Variants in LAMC3 observed in about 807,000 individuals in gnomAD.
LAMC3 encodes laminin subunit gamma 3.
In LAMC3, 128 loss-of-function variants were observed where a neutral mutation model predicts 173.8. That is an observed-to-expected ratio of 0.74 (90% CI 0.64 to 0.85). The LOEUF is 0.85. Ranked by LOEUF, LAMC3 falls within the 40% of genes least tolerant of loss-of-function variation. LAMC3 has a pLI of 0.00. For missense variants in LAMC3, 2,022 were observed against 2,156.0 expected, an observed-to-expected ratio of 0.94 and a Z score of 1.23; for synonymous variants, 897 against 909.1, an observed-to-expected ratio of 0.99 and a Z score of 0.24.
At chr9:131,082,010 C>A in intron 23 of LAMC3, 49 bp from the exon 24 acceptor site, 1 of 1,459,920 alleles carries the variant, frequency 6.8e-7, no homozygotes, top group Non-Finnish European at 9.6e-7. Flanking sequence ...TGCCCCTGGG[C>A]CCTGCTCCTG....
At chr9:131,083,572 A>G (rs1005542206) in intron 24 of LAMC3, among the ~76,000 whole-genome samples, 1 of 152,228 alleles carries the variant, frequency 6.6e-6, no homozygotes, top group African/African-American at 2.4e-5. Flanking sequence ...TTGCTGCAGC[A>G]TCCTCTTGAG....
intron 11 of LAMC3, among the ~76,000 whole-genome samples, chr9:131,056,130 A>AGG: frequency 6.6e-6 from 1 of 152,332 alleles, no homozygotes; most frequent in South Asian, 2.1e-4. Context: ...CAGGAGTTCA[A>AGG]GGCTGCAGTG....
At chr9:131,066,776 G>A (rs1257648136) in intron 13 of LAMC3, among the ~76,000 whole-genome samples, 184 bp from the exon 14 acceptor site, 1 of 152,164 alleles carries the variant, frequency 6.6e-6, no homozygotes, top group Non-Finnish European at 1.5e-5. Flanking sequence ...GCTCCTAGAG[G>A]CGCAGTGGCT....
chr9:131,041,202 AC>A (rs1442441293), intron 6 of LAMC3, among the ~76,000 whole-genome samples: 2 of 152,080 alleles, frequency 1.3e-5, no homozygotes, highest in African/African-American at 4.8e-5. Context: ...CCCTGTCTCT[AC>A]TAAAAATACA....
chr9:131,074,923 T>C (rs1297068094), intron 20 of LAMC3, among the ~76,000 whole-genome samples: 2 of 152,008 alleles, frequency 1.3e-5, no homozygotes, highest in Non-Finnish European at 2.9e-5. Context: ...TATATTGGGG[T>C]GACTGTACAA....
At chr9:131,079,399 A>C in intron 23 of LAMC3, 101 bp downstream of exon 23, 1 of 1,434,370 alleles carries the variant, frequency 7.0e-7, no homozygotes, top group Admixed American at 1.9e-5. Flanking sequence ...GCAGAGACAG[A>C]AGTAGCTCTG....
Position 131,091,141 on chromosome 9 carries a change from G to A in LAMC3, c.4478-396G>A, listed in dbSNP as rs549332795. Among the ~76,000 whole-genome samples, 30 of 152,364 alleles carry A rather than the reference G, an allele frequency of 2.0e-4. No homozygotes were observed. The East Asian group carries it at 5.8e-3, about 29-fold the overall frequency. On this transcript the variant is annotated intron_variant, in intron 27 of 27. Coordinates refer to ENST00000361069, the MANE Select transcript of LAMC3 (RefSeq NM_006059.4). ...ACATCCAGGCCCACAGGCGGCATCTGTAAACGTGTGCTGTCAGTGAATTGA... is the reference window on the plus strand; with the variant it reads ...ACATCCAGGCCCACAGGCGGCATCTATAAACGTGTGCTGTCAGTGAATTGA...
chr9:131,073,944 CTTTTTTT>C (rs57877574), intron 20 of LAMC3, among the ~76,000 whole-genome samples: 16 of 90,814 alleles, frequency 1.8e-4, no homozygotes, highest in East Asian at 1.1e-3. Flanking sequence ...CTTTTCTTTT[CTTTTTTT>C]TTTTTTTTTT....
chr9:131,027,399 C>T (rs1036032670), intron 2 of LAMC3, among the ~76,000 whole-genome samples: 7 of 152,182 alleles, frequency 4.6e-5, no homozygotes, highest in African/African-American at 1.7e-4. Flanking sequence ...TCTCCAAGGG[C>T]TCCTATGAAA....
intron 1 of LAMC3, among the ~76,000 whole-genome samples, chr9:131,014,770 A>G (rs914134597): frequency 6.6e-6 from 1 of 152,254 alleles, no homozygotes; most frequent in African/African-American, 2.4e-5. Flanking sequence ...CCAGAAGTTC[A>G]GGGTCAGCCT....
chr9:131,023,547 T>C (rs943260663), intron 1 of LAMC3, among the ~76,000 whole-genome samples: 4 of 152,252 alleles, frequency 2.6e-5, no homozygotes, highest in African/African-American at 9.6e-5. Context: ...CATTTTTTCT[T>C]GTGTTTCTTG....
Position 131,061,094 on chromosome 9 carries a change from T to C in LAMC3, c.2218T>C (p.Phe740Leu). The C allele has an allele frequency of 6.2e-7, 1 of 1,614,102 alleles. No individual in the cohort carries two copies. The highest frequency in any genetic ancestry group is 8.5e-7 in the Non-Finnish European group (1 of 1,180,000). The change falls in exon 13 of 28, where the codon TTC becomes CTC. Residue 740 changes from phenylalanine to leucine, a missense_variant. By Grantham distance (22) the Phe-to-Leu change is conservative. Coordinates refer to ENST00000361069, the MANE Select transcript of LAMC3 (RefSeq NM_006059.4). ...ATCCTGTGAACGCTGTTTGCCAGGT[T>C]TCTATGGCAACCCTTTCGCGGGCCA... The part of the protein sequence containing the change: ...GPSCERCLPG[F>L]YGNPFAGQAD...
chr9:131,080,777 C>T (rs546749577), intron 23 of LAMC3, among the ~76,000 whole-genome samples: 1 of 152,250 alleles, frequency 6.6e-6, no homozygotes, highest in East Asian at 1.9e-4. Flanking sequence ...GGAGTCAGGG[C>T]CAGGCCCCAG....
chr9:131,073,291 T>C lies in LAMC3; in HGVS notation c.3464T>C (p.Leu1155Pro). The change falls in exon 20 of 28, where the codon CTG becomes CCG. Residue 1155 changes from leucine to proline, a missense_variant. Physicochemically the swap from Leu to Pro is moderately conservative, Grantham distance 98. Coordinates refer to ENST00000361069, the MANE Select transcript of LAMC3 (RefSeq NM_006059.4). ...AGTCAGCCGACCAAATGGAGCCACCTGGCCACAGAGGCCCGTGCCCTCGCC... is the reference window on the plus strand; with the variant it reads ...AGTCAGCCGACCAAATGGAGCCACCCGGCCACAGAGGCCCGTGCCCTCGCC... ...GPSQPTKWSHLATEARALARS... is the reference protein window; with the variant it reads ...GPSQPTKWSHPATEARALARS... The C allele has an allele frequency of 5.6e-6, 9 of 1,613,928 alleles. No individual in the cohort carries two copies. The highest frequency in any genetic ancestry group is 1.7e-5 in the Admixed American group (1 of 60,012).
At chr9:131,045,249 A>AAAG (rs1554786060) in intron 7 of LAMC3, among the ~76,000 whole-genome samples, 4 of 148,604 alleles carry the variant, frequency 2.7e-5, no homozygotes, top group Admixed American at 6.7e-5. Context: ...ACAACAACAA[A>AAAG]AAAACAAAAC....
chr9:131,084,970 T>G (rs1382350119), intron 24 of LAMC3, among the ~76,000 whole-genome samples: 1 of 151,974 alleles, frequency 6.6e-6, no homozygotes, highest in African/African-American at 2.4e-5. Flanking sequence ...AATTGTAACA[T>G]TTCCCTTTTT....
chr9:131,079,042 A>G (rs1311898452), intron 22 of LAMC3, 107 bp from the exon 23 acceptor site: 13 of 1,406,646 alleles, frequency 9.2e-6, no homozygotes, highest in Non-Finnish European at 2.9e-6. Flanking sequence ...GCTGGCAGCC[A>G]GGGGCAGACC....
intron 11 of LAMC3, among the ~76,000 whole-genome samples, chr9:131,053,298 C>T (rs7864673): frequency 1.3e-5 from 2 of 152,088 alleles, no homozygotes; most frequent in East Asian, 3.9e-4. Flanking sequence ...AGCCCCCTGT[C>T]CCCGCTGGAC....
At chr9:131,015,416 C>T (rs1226386488) in intron 1 of LAMC3, among the ~76,000 whole-genome samples, 1 of 152,184 alleles carries the variant, frequency 6.6e-6, no homozygotes, top group Non-Finnish European at 1.5e-5. Flanking sequence ...GCCCCTTGTC[C>T]CCGGGCAAGC....
Sources: gnomAD v4.1 joint callset for allele counts (sites outside exome capture counted in the v4.1 genomes callset) on GRCh38, gnomAD v4.1.1 for gene constraint, MANE v1.5 for transcripts, NCBI Gene and HGNC (gene_info 2026-07-23, HGNC 2026-07-21) for gene names.